Variants in PCDH9 observed in about 807,000 individuals in gnomAD.
PCDH9 encodes protocadherin 9, also known as protocadherin-9.
In PCDH9, 24 loss-of-function variants were observed where a neutral mutation model predicts 70.6. The ratio of observed to expected loss-of-function variants is 0.34; its 90% CI spans 0.25 to 0.48. The LOEUF (loss-of-function observed/expected upper bound fraction) is 0.48. PCDH9 is among the 20% of genes least tolerant of loss of function. The pLI, the probability that PCDH9 is intolerant of heterozygous loss-of-function variation, is 0.99. For missense variants in PCDH9, 1,281 were observed against 1,503.6 expected, an observed-to-expected ratio of 0.85 and a Z score of 2.45; for synonymous variants, 562 against 558.5, an observed-to-expected ratio of 1.01 and a Z score of -0.09.
At chr13:67,192,759 G>A (rs935930065) in intron 2 of PCDH9, among the ~76,000 whole-genome samples, 1 of 152,160 alleles carries the variant, frequency 6.6e-6, no homozygotes, top group Non-Finnish European at 1.5e-5. Flanking sequence ...ACCTGTAAGA[G>A]GGATAGTCCT....
chr13:66,705,735 G>T (rs1348606222), intron 3 of PCDH9, among the ~76,000 whole-genome samples: 1 of 152,110 alleles, frequency 6.6e-6, no homozygotes, highest in Admixed American at 6.5e-5. Flanking sequence ...ATATGCTTAT[G>T]ATGAAGAAAA....
chr13:67,057,167 C>T (rs1427998647), intron 2 of PCDH9, among the ~76,000 whole-genome samples: 4 of 152,138 alleles, frequency 2.6e-5, no homozygotes, highest in Admixed American at 6.6e-5. Flanking sequence ...GTTAGGAATA[C>T]GCATAGATTA....
chr13:66,671,623 AG>A (rs1238904385), intron 3 of PCDH9, among the ~76,000 whole-genome samples: 1 of 152,178 alleles, frequency 6.6e-6, no homozygotes, highest in Admixed American at 6.5e-5. Context: ...GCTATGTTTT[AG>A]CAAAGAGACT....
chr13:66,633,392 C>A (rs960123455), intron 3 of PCDH9, among the ~76,000 whole-genome samples: 1 of 152,116 alleles, frequency 6.6e-6, no homozygotes, highest in East Asian at 1.9e-4. Flanking sequence ...AAAGATCATG[C>A]TACCATGTTT....
At chr13:67,077,434 T>A (rs2085900108) in intron 2 of PCDH9, among the ~76,000 whole-genome samples, 1 of 152,118 alleles carries the variant, frequency 6.6e-6, no homozygotes, top group Admixed American at 6.6e-5. Flanking sequence ...AAAAAAACAA[T>A]CACTCTTCTC....
intron 3 of PCDH9, among the ~76,000 whole-genome samples, chr13:66,886,454 C>T (rs1166479147): frequency 6.6e-6 from 1 of 152,132 alleles, no homozygotes; most frequent in African/African-American, 2.4e-5. Context: ...CTTGCTGGAA[C>T]TTGATTCTAA....
intron 2 of PCDH9, among the ~76,000 whole-genome samples, chr13:67,047,311 A>G (rs1241592155): frequency 6.6e-6 from 1 of 152,180 alleles, no homozygotes; most frequent in Non-Finnish European, 1.5e-5. Context: ...AACCCCACCC[A>G]AATAAAAAGA....
intron 3 of PCDH9, among the ~76,000 whole-genome samples, chr13:66,790,857 A>C (rs1257724729): frequency 1.3e-5 from 2 of 152,134 alleles, no homozygotes; most frequent in Non-Finnish European, 2.9e-5. Flanking sequence ...TAGAAGACTA[A>C]TCACCTATAC....
intron 2 of PCDH9, among the ~76,000 whole-genome samples, chr13:67,087,740 A>G (rs1277852559): frequency 6.6e-6 from 1 of 151,922 alleles, no homozygotes; most frequent in Non-Finnish European, 1.5e-5. Context: ...CATTATAGAC[A>G]TTTTCATCAG....
chr13:66,514,072 A>G lies in PCDH9; in HGVS notation c.3340+117138T>C, dbSNP rs552757373. On this transcript the variant is annotated intron_variant, in intron 4 of 4. Transcript: ENST00000377865. Reference sequence around the variant, plus strand: ...TAGGAAGTAAAATAAGTAGCTTGTAATGACTGGGTAGATGCAGACTGAATG... The same window carrying G: ...TAGGAAGTAAAATAAGTAGCTTGTAGTGACTGGGTAGATGCAGACTGAATG... Among the ~76,000 whole-genome samples, 175 of 152,244 alleles carry G rather than the reference A, an allele frequency of 1.1e-3. 1 individual carries two copies. The highest frequency in any genetic ancestry group is 4.1e-3 in the African/African-American group (171 of 41,552).
chr13:66,499,547 C>T (rs1300292817), intron 4 of PCDH9, among the ~76,000 whole-genome samples: 1 of 152,182 alleles, frequency 6.6e-6, no homozygotes, highest in Non-Finnish European at 1.5e-5. Context: ...ATATAAAAAT[C>T]TCCAGCAGAC....
chr13:66,944,459 T>C (rs1053059936), intron 2 of PCDH9, among the ~76,000 whole-genome samples: 3 of 152,194 alleles, frequency 2.0e-5, no homozygotes, highest in Admixed American at 2.0e-4. Context: ...ATGCCAACTA[T>C]ATTTTCTACT....
chr13:66,569,484 T>C (rs2076702421), intron 4 of PCDH9, among the ~76,000 whole-genome samples: 1 of 152,188 alleles, frequency 6.6e-6, no homozygotes, highest in South Asian at 2.1e-4. Context: ...CTTAAGAATA[T>C]ATCATTAATA....
intron 4 of PCDH9, among the ~76,000 whole-genome samples, chr13:66,621,028 A>C (rs1007059863): frequency 5.3e-5 from 8 of 152,196 alleles, no homozygotes; most frequent in African/African-American, 1.9e-4. Context: ...ATGTATACGA[A>C]GATATATCAA....
chr13:67,083,670 C>T (rs536345663), intron 2 of PCDH9, among the ~76,000 whole-genome samples: 1 of 152,256 alleles, frequency 6.6e-6, no homozygotes, highest in South Asian at 2.1e-4. Context: ...CTTAAGGCCT[C>T]CCTAAATGGA....
At chr13:66,456,628 T>C (rs1203311261) in intron 4 of PCDH9, among the ~76,000 whole-genome samples, 2 of 152,274 alleles carry the variant, frequency 1.3e-5, no homozygotes, top group East Asian at 1.9e-4. Flanking sequence ...CTGAATTTCA[T>C]TTCCCCTATG....
At chr13:66,314,528 A>G (rs1373128883) in intron 4 of PCDH9, among the ~76,000 whole-genome samples, 1 of 152,244 alleles carries the variant, frequency 6.6e-6, no homozygotes, top group Admixed American at 6.5e-5. Context: ...TTGGTCTTAC[A>G]CAACATAAAT....
chr13:66,566,685 C>T (rs1463175873), intron 4 of PCDH9, among the ~76,000 whole-genome samples: 1 of 152,002 alleles, frequency 6.6e-6, no homozygotes, highest in Non-Finnish European at 1.5e-5. Flanking sequence ...GTGATTTGGC[C>T]TGTTATTAGT....
Position 66,917,032 on chromosome 13 carries a change from T to C in PCDH9, c.3037-13427A>G, listed in dbSNP as rs2082568659. On this transcript the variant is annotated intron_variant, in intron 2 of 4. Transcript: ENST00000377865. ...GAAACTACTTGCAGATGAAGTTTTC[T>C]TTAAAAATAAAGTCTGTTCCTACTT... 2.6e-5 allele frequency among the ~76,000 whole-genome samples: 4 copies of C among 151,578 alleles called. No homozygotes were observed. In the South Asian group the frequency reaches 8.3e-4, roughly 31 times the overall value.
Sources: gnomAD v4.1 joint callset for allele counts (sites outside exome capture counted in the v4.1 genomes callset) on GRCh38, gnomAD v4.1.1 for gene constraint, MANE v1.5 for transcripts, NCBI Gene and HGNC (gene_info 2026-07-23, HGNC 2026-07-21) for gene names.